The following LINGO2 variants were observed in gnomAD, a reference collection of about 807,000 sequenced individuals.
The protein encoded by LINGO2 is leucine-rich repeat and immunoglobulin-like domain-containing nogo receptor-interacting protein 2.
In LINGO2, 14 loss-of-function variants were observed where a neutral mutation model predicts 30.6. That is an observed-to-expected ratio of 0.46 (90% CI 0.30 to 0.72). LINGO2 has a LOEUF of 0.72. Ranked by LOEUF, LINGO2 falls within the 30% of genes least tolerant of loss-of-function variation. LINGO2 has a pLI of 0.07. For synonymous variants in LINGO2, 317 were observed against 288.5 expected, an observed-to-expected ratio of 1.10 and a Z score of -1.00; for missense variants, 729 against 751.7, an observed-to-expected ratio of 0.97 and a Z score of 0.35.
intron 4 of LINGO2, among the ~76,000 whole-genome samples, chr9:28,260,643 G>C (rs1334526048): frequency 1.3e-5 from 2 of 151,756 alleles, no homozygotes; most frequent in Non-Finnish European, 2.9e-5. Flanking sequence ...GCACCAGAGA[G>C]TCCTACGTAT....
At chr9:28,160,737 C>G (rs1399011929) in intron 4 of LINGO2, among the ~76,000 whole-genome samples, 2 of 152,180 alleles carry the variant, frequency 1.3e-5, no homozygotes, top group Non-Finnish European at 2.9e-5. Flanking sequence ...GTGCTGGGAA[C>G]AGTGTCTGGT....
chr9:28,993,207 A>G, the LINGO2 span, among the ~76,000 whole-genome samples: 1 of 152,030 alleles, frequency 6.6e-6, no homozygotes, highest in Non-Finnish European at 1.5e-5. Context: ...CCACAGAAAT[A>G]CAAACTACCA....
chr9:28,024,125 T>C (rs1173390685), intron 4 of LINGO2, among the ~76,000 whole-genome samples: 2 of 152,206 alleles, frequency 1.3e-5, no homozygotes, highest in Non-Finnish European at 2.9e-5. Flanking sequence ...TCCAAGCTCT[T>C]TACCTGTGGG....
chr9:29,133,843 G>A, the LINGO2 span, among the ~76,000 whole-genome samples: 1 of 152,018 alleles, frequency 6.6e-6, no homozygotes, highest in Non-Finnish European at 1.5e-5. Flanking sequence ...CGTGTATCAA[G>A]ATCACACAAA....
At chr9:28,415,972 G>A (rs10757740) in intron 2 of LINGO2, among the ~76,000 whole-genome samples, 65,373 of 151,902 alleles carry the variant, frequency 0.43, 14,733 homozygotes, top group East Asian at 0.69. Context: ...ATTTTTGCAG[G>A]ATACAATACA....
the LINGO2 span, among the ~76,000 whole-genome samples, chr9:29,139,819 T>G: frequency 0.041 from 6,252 of 152,036 alleles, 194 homozygotes; most frequent in Admixed American, 0.079. Context: ...CTGAGGGGGC[T>G]GCCCAAGGAA....
chr9:28,819,381 C>A, the LINGO2 span, among the ~76,000 whole-genome samples: 1 of 152,172 alleles, frequency 6.6e-6, no homozygotes, highest in African/African-American at 2.4e-5. Context: ...GCAGCTATAT[C>A]TCTTCCTCTA....
At chr9:29,138,408 A>T in the LINGO2 span, among the ~76,000 whole-genome samples, 1 of 152,274 alleles carries the variant, frequency 6.6e-6, no homozygotes, top group African/African-American at 2.4e-5. Context: ...ATAGTTAAAC[A>T]GAACCACTTG....
At chr9:29,111,234 A>C in the LINGO2 span, among the ~76,000 whole-genome samples, 1 of 152,196 alleles carries the variant, frequency 6.6e-6, no homozygotes, top group Admixed American at 6.6e-5. Flanking sequence ...CACAGTCACC[A>C]GCAGTATGTA....
In LINGO2 at chr9:28,003,386, T is replaced by TAGAGAG. The variant is rs71304830; in HGVS notation, c.-36+8963_-36+8968dup. Among the ~76,000 whole-genome samples the TAGAGAG allele has an allele frequency of 7.4e-5, 10 of 134,962 alleles. No individual in the cohort carries two copies. In the East Asian group the frequency reaches 1.6e-3, roughly 22 times the overall value. 88.5% of individuals were successfully genotyped at this position (134,962 alleles called of 152,430 possible). A position where few individuals can be genotyped will look rare whatever the true frequency, so the allele number is the denominator to read the frequency against. On this transcript the variant is annotated intron_variant, in intron 5 of 5. Coordinates refer to ENST00000379992, the Ensembl canonical transcript of LINGO2. ...AGATAGATAGATAGATAGATAGATATAGAGAGAGAGAGAGTTAGAGAGTTC... is the reference window on the plus strand; with the variant it reads ...AGATAGATAGATAGATAGATAGATATAGAGAGAGAGAGAGAGAGAGTTAGAGAGTTC...
intron 4 of LINGO2, among the ~76,000 whole-genome samples, chr9:28,165,026 C>A (rs1828388182): frequency 6.6e-6 from 1 of 152,228 alleles, no homozygotes; most frequent in Non-Finnish European, 1.5e-5. Context: ...CAGTGAAGCA[C>A]CAACCTCATC....
the LINGO2 span, among the ~76,000 whole-genome samples, chr9:28,717,343 A>G: frequency 9.6e-6 from 1 of 104,134 alleles, no homozygotes; most frequent in Non-Finnish European, 1.8e-5. Context: ...ACCCTAATCT[A>G]AAAAAAAAAA....
intron 4 of LINGO2, among the ~76,000 whole-genome samples, chr9:28,107,234 C>T (rs935659128): frequency 9.9e-5 from 15 of 152,154 alleles, no homozygotes; most frequent in African/African-American, 2.9e-4. Context: ...ACTAGCCAAA[C>T]GTCTATGAGG....
chr9:28,622,371 T>A (rs1032658946), intron 1 of LINGO2, among the ~76,000 whole-genome samples: 4 of 151,942 alleles, frequency 2.6e-5, no homozygotes, highest in Non-Finnish European at 4.4e-5. Flanking sequence ...TTTTATTTTT[T>A]ATTTTAATTT....
chr9:28,556,867 G>C (rs1055091666), intron 1 of LINGO2, among the ~76,000 whole-genome samples: 4 of 152,052 alleles, frequency 2.6e-5, no homozygotes, highest in Admixed American at 2.6e-4. Context: ...TCTGATCTTT[G>C]AAAAACCTGA....
the LINGO2 span, among the ~76,000 whole-genome samples, chr9:29,141,738 G>C: frequency 6.6e-6 from 1 of 151,668 alleles, no homozygotes; most frequent in East Asian, 1.9e-4. Context: ...AACAAAAATA[G>C]AACAGGCGTG....
chr9:29,071,137 A>G, the LINGO2 span, among the ~76,000 whole-genome samples: 1 of 146,318 alleles, frequency 6.8e-6, no homozygotes, highest in African/African-American at 2.5e-5. Flanking sequence ...GCACATCTAC[A>G]ATTGCATCAC....
chr9:28,277,733 C>T (rs1281037329), intron 4 of LINGO2, among the ~76,000 whole-genome samples: 1 of 151,290 alleles, frequency 6.6e-6, no homozygotes, highest in Non-Finnish European at 1.5e-5. Flanking sequence ...CACTTGAACC[C>T]AGGAGGTGGA....
chr9:28,988,179 G>C, the LINGO2 span, among the ~76,000 whole-genome samples: 2 of 152,008 alleles, frequency 1.3e-5, no homozygotes, highest in African/African-American at 4.8e-5. Flanking sequence ...CCTTCAGGTA[G>C]TTTAATATTT....
Sources: gnomAD v4.1 joint callset for allele counts (sites outside exome capture counted in the v4.1 genomes callset) on GRCh38, gnomAD v4.1.1 for gene constraint, MANE v1.5 for transcripts, NCBI Gene and HGNC (gene_info 2026-07-23, HGNC 2026-07-21) for gene names.